IL20RB: variants seen among roughly 807,000 people sequenced by gnomAD.
IL20RB encodes interleukin-20 receptor subunit beta.
IL20RB carries 21 observed loss-of-function variants against 33.3 expected under a neutral mutation model. The observed-to-expected ratio is 0.63, with a 90% confidence interval of 0.45 to 0.91. The LOEUF (loss-of-function observed/expected upper bound fraction) is 0.91, where lower values mean the gene tolerates loss of function less well. IL20RB is among the 40% of genes least tolerant of loss of function. The pLI, the probability that IL20RB is intolerant of heterozygous loss-of-function variation, is 0.00. For synonymous variants in IL20RB, 147 were observed against 146.8 expected (o/e 1.00, Z -0.01); for missense variants, 345 against 384.8 (o/e 0.90, Z 0.86).
chr3:136,984,312 C>G (rs139537395), intron 3 of IL20RB, among the ~76,000 whole-genome samples: 1 of 151,966 alleles, frequency 6.6e-6, no homozygotes, highest in East Asian at 1.9e-4. Flanking sequence ...TCCTGAGAGG[C>G]TGGAGGAAGC....
intron 6 of IL20RB, among the ~76,000 whole-genome samples, chr3:137,009,249 C>T (rs150678789): frequency 3.9e-5 from 6 of 152,128 alleles, no homozygotes; most frequent in Admixed American, 2.0e-4. Context: ...GGAGAAGGGC[C>T]GAGAGAGATA....
intron 3 of IL20RB, 139 bp downstream of exon 3, chr3:136,982,489 C>A: frequency 1.8e-6 from 1 of 566,152 alleles, no homozygotes; most frequent in Non-Finnish European, 2.9e-6. Context: ...ACAACCCTTA[C>A]TGGTATATTT....
At chr3:136,986,181 C>T (rs1377067747) in intron 3 of IL20RB, among the ~76,000 whole-genome samples, 1 of 151,664 alleles carries the variant, frequency 6.6e-6, no homozygotes, top group African/African-American at 2.4e-5. Context: ...CCACTGCACT[C>T]CAGCCTGGGC....
intron 4 of IL20RB, 39 bp from the exon 5 acceptor site, chr3:136,991,899 C>T (rs753829585): frequency 2.7e-5 from 44 of 1,602,574 alleles, no homozygotes; most frequent in East Asian, 4.5e-5. Flanking sequence ...CGTGAGCCAC[C>T]GCACTTGGCC....
chr3:136,978,906 T>G (rs1021618691), intron 1 of IL20RB, among the ~76,000 whole-genome samples: 2 of 152,186 alleles, frequency 1.3e-5, no homozygotes, highest in African/African-American at 4.8e-5. Context: ...GCCTGGAGAT[T>G]TCATTTTTGA....
At chr3:136,975,875 T>A (rs1435785958) in intron 1 of IL20RB, among the ~76,000 whole-genome samples, 1 of 152,160 alleles carries the variant, frequency 6.6e-6, no homozygotes, top group East Asian at 1.9e-4. Flanking sequence ...TCATTGGGCC[T>A]CCACATGGCT....
At chr3:137,004,320 G>T (rs1308948772) in intron 6 of IL20RB, among the ~76,000 whole-genome samples, 1 of 152,166 alleles carries the variant, frequency 6.6e-6, no homozygotes, top group East Asian at 1.9e-4. Flanking sequence ...CTATTGATTG[G>T]AATAGTTTCA....
At chr3:136,984,449 C>A (rs1037499359) in intron 3 of IL20RB, among the ~76,000 whole-genome samples, 3 of 151,920 alleles carry the variant, frequency 2.0e-5, no homozygotes, top group South Asian at 4.2e-4. Context: ...CAGTTTAGAG[C>A]TGCAGGAAAG....
intron 3 of IL20RB, among the ~76,000 whole-genome samples, chr3:136,983,767 C>T (rs1030852308): frequency 1.3e-5 from 2 of 152,216 alleles, no homozygotes; most frequent in African/African-American, 4.8e-5. Flanking sequence ...GTCTGACTGG[C>T]AGCTGGAAAT....
chr3:136,962,465 C>A (rs1265755795), intron 1 of IL20RB, among the ~76,000 whole-genome samples: 1 of 152,102 alleles, frequency 6.6e-6, no homozygotes, highest in Non-Finnish European at 1.5e-5. Context: ...TAAAAAATGT[C>A]AAGGTCGGCC....
chr3:136,976,571 C>T (rs984601058), intron 1 of IL20RB, among the ~76,000 whole-genome samples: 1 of 152,160 alleles, frequency 6.6e-6, no homozygotes, highest in Non-Finnish European at 1.5e-5. Flanking sequence ...GCCTGTTTTC[C>T]TCCCAGTCTC....
At chr3:136,988,754 G>A (rs150660705) in intron 3 of IL20RB, among the ~76,000 whole-genome samples, 5 of 150,910 alleles carry the variant, frequency 3.3e-5, no homozygotes, top group Non-Finnish European at 7.4e-5. Flanking sequence ...GAAAAAAAAA[G>A]AAACAAGAAA....
At chr3:136,996,882 T>G (rs1942140442) in intron 6 of IL20RB, among the ~76,000 whole-genome samples, 1 of 152,202 alleles carries the variant, frequency 6.6e-6, no homozygotes, top group African/African-American at 2.4e-5. Flanking sequence ...TTTATTACCC[T>G]TTAGCAAGAA....
chr3:137,007,427 G>C (rs1240851768), intron 6 of IL20RB, among the ~76,000 whole-genome samples: 1 of 152,212 alleles, frequency 6.6e-6, no homozygotes, highest in Non-Finnish European at 1.5e-5. Flanking sequence ...GCATTGTTGA[G>C]CTGTGGTGGG....
chr3:137,003,481 T>C (rs940178721), intron 6 of IL20RB, among the ~76,000 whole-genome samples: 9 of 152,232 alleles, frequency 5.9e-5, no homozygotes, highest in African/African-American at 2.2e-4. Flanking sequence ...GAAGAGGTCC[T>C]TCACATCCCT....
At chr3:137,001,011 G>A (rs1942232549) in intron 6 of IL20RB, among the ~76,000 whole-genome samples, 1 of 152,118 alleles carries the variant, frequency 6.6e-6, no homozygotes, top group Admixed American at 6.6e-5. Flanking sequence ...ACCATGTAAA[G>A]GGTTAATAAC....
At chr3:136,989,351 C>A in intron 3 of IL20RB, 90 bp from the exon 4 acceptor site, 1 of 1,475,998 alleles carries the variant, frequency 6.8e-7, no homozygotes, top group Non-Finnish European at 9.4e-7. Context: ...CGGAGACGGA[C>A]ATATTTCCAT....
chr3:136,995,054 A>C (rs774977200), intron 5 of IL20RB, among the ~76,000 whole-genome samples: 36 of 152,220 alleles, frequency 2.4e-4, no homozygotes, highest in South Asian at 6.2e-4. Context: ...TTCTCTTTCA[A>C]TACCTCCCCC....
At chr3:136,973,868 T>C (rs1941551983) in intron 1 of IL20RB, among the ~76,000 whole-genome samples, 1 of 152,210 alleles carries the variant, frequency 6.6e-6, no homozygotes, top group Non-Finnish European at 1.5e-5. Flanking sequence ...TCTTATTTGA[T>C]ATAAGTATAG....
Sources: allele counts gnomAD v4.1 joint callset (sites outside exome capture counted in the v4.1 genomes callset), GRCh38; gene constraint gnomAD v4.1.1; transcripts MANE v1.5; gene names NCBI Gene and HGNC (gene_info 2026-07-23, HGNC 2026-07-21).